The following DCDC1 variants were observed in gnomAD, a reference collection of about 807,000 sequenced individuals.
The protein encoded by DCDC1 is doublecortin domain-containing protein 1.
DCDC1 carries 200 observed loss-of-function variants against 178.3 expected under a neutral mutation model. The observed-to-expected ratio is 1.12, with a 90% CI of 1.00 to 1.26. The LOEUF is 1.26. Among genes scored for constraint, DCDC1 ranks in the 50% most tolerant of loss-of-function variants. The pLI is 0.00. For synonymous variants in DCDC1, 690 were observed against 604.8 expected (o/e 1.14, Z -2.07); for missense variants, 1,983 against 1,749.2 (o/e 1.13, Z -2.38).
chr11:30,908,609 G>A (rs1400753059), intron 29 of DCDC1, among the ~76,000 whole-genome samples: 1 of 152,078 alleles, frequency 6.6e-6, no homozygotes, highest in South Asian at 2.1e-4. Context: ...AATGTCTGGG[G>A]TTGGCAAACA....
At chr11:31,265,459 T>A (rs753874394) in intron 8 of DCDC1, 48 bp downstream of exon 8, 11 of 1,078,480 alleles carry the variant, frequency 1.0e-5, no homozygotes, top group Admixed American at 2.8e-5. Context: ...AAAATATAAA[T>A]GTCTTTCAAA....
At chr11:30,943,048 C>G (rs953437180) in intron 21 of DCDC1, among the ~76,000 whole-genome samples, 1 of 151,408 alleles carries the variant, frequency 6.6e-6, no homozygotes, top group African/African-American at 2.4e-5. Context: ...TGGTTCTTCT[C>G]CCTCCATTTT....
At chr11:31,039,363 G>A (rs924675259) in intron 20 of DCDC1, among the ~76,000 whole-genome samples, 1 of 152,164 alleles carries the variant, frequency 6.6e-6, no homozygotes, top group African/African-American at 2.4e-5. Context: ...GCTTTAAAAT[G>A]TAATATGCAC....
At chr11:30,993,426 A>C (rs1951090897) in intron 20 of DCDC1, among the ~76,000 whole-genome samples, 1 of 152,114 alleles carries the variant, frequency 6.6e-6, no homozygotes, top group Admixed American at 6.6e-5. Flanking sequence ...AACTAGAGAA[A>C]GAGAAGCAAA....
chr11:31,269,172 A>G (rs913038142), intron 7 of DCDC1, among the ~76,000 whole-genome samples: 1 of 152,160 alleles, frequency 6.6e-6, no homozygotes, highest in African/African-American at 2.4e-5. Context: ...GTAAATTATC[A>G]GTGGTATGAA....
intron 17 of DCDC1, among the ~76,000 whole-genome samples, chr11:31,085,777 G>A (rs547169903): frequency 2.0e-5 from 3 of 152,120 alleles, no homozygotes; most frequent in Admixed American, 6.5e-5. Flanking sequence ...GTGCAATCAC[G>A]GCTCACTGCT....
rs1018616914 is a variant in DCDC1, at chr11:31,285,400, A to T, written c.960+5247T>A. ...ATTATGCATGACCTCCTCTGTCGGA[A>T]TCCATGTTGAGCATCCTTAATCAAA... On this transcript the variant is annotated intron_variant, in intron 7 of 38. Transcript: ENST00000684477. Among the ~76,000 whole-genome samples, 17 of 152,134 alleles carry T rather than the reference A, an allele frequency of 1.1e-4. 1 individual carries two copies. The highest frequency in any genetic ancestry group is 9.2e-4 in the Admixed American group (14 of 15,262).
At chr11:31,322,379 C>T (rs1276043090) in intron 3 of DCDC1, among the ~76,000 whole-genome samples, 2 of 152,100 alleles carry the variant, frequency 1.3e-5, no homozygotes, top group Non-Finnish European at 2.9e-5. Flanking sequence ...GATAAAGTCT[C>T]GGTTATTTTT....
At chr11:31,248,067 T>C (rs530057447) in intron 8 of DCDC1, among the ~76,000 whole-genome samples, 1 of 152,182 alleles carries the variant, frequency 6.6e-6, no homozygotes, top group Admixed American at 6.6e-5. Flanking sequence ...TAAAGTTCCA[T>C]ACAAAAACTT....
chr11:31,222,349 C>G (rs749619925), intron 9 of DCDC1, among the ~76,000 whole-genome samples: 1 of 152,134 alleles, frequency 6.6e-6, no homozygotes, highest in African/African-American at 2.4e-5. Flanking sequence ...CAGAGTGAGC[C>G]ACCACGCCTG....
rs576593209 is a variant in DCDC1, at chr11:31,087,792, T to G, written c.2237+3601A>C. ...GCTATGTACTTTAAAAAATGCATCT[T>G]CTGCTGTTATTGAATGCATTTTTCT... is the stretch of plus-strand genomic sequence containing the variant. On this transcript the variant is annotated intron_variant, in intron 17 of 38. Transcript: ENST00000684477. 1.7e-4 allele frequency among the ~76,000 whole-genome samples: 26 copies of G among 152,302 alleles called. No homozygotes were observed. The South Asian group carries it at 4.8e-3, about 28-fold the overall frequency.
intron 21 of DCDC1, among the ~76,000 whole-genome samples, chr11:30,939,350 T>A (rs1947488313): frequency 6.6e-6 from 1 of 152,184 alleles, no homozygotes; most frequent in Non-Finnish European, 1.5e-5. Flanking sequence ...AGATCCTGGA[T>A]GGACCACCAG....
chr11:31,010,449 T>G (rs1020111268), intron 20 of DCDC1, among the ~76,000 whole-genome samples: 2 of 152,256 alleles, frequency 1.3e-5, no homozygotes, highest in African/African-American at 2.4e-5. Flanking sequence ...TTATAGCAGT[T>G]TGCCCCTTTA....
At chr11:31,279,245 T>TG (rs1206311367) in intron 7 of DCDC1, among the ~76,000 whole-genome samples, 49 of 150,812 alleles carry the variant, frequency 3.2e-4, no homozygotes, top group East Asian at 2.4e-3. Context: ...TTTTCTTTTT[T>TG]TTGTGTGTGT....
intron 21 of DCDC1, among the ~76,000 whole-genome samples, chr11:30,935,472 T>C (rs1373104128): frequency 1.3e-5 from 2 of 152,216 alleles, no homozygotes; most frequent in Non-Finnish European, 2.9e-5. Context: ...GTTTCCATTT[T>C]GGCCTTCTCT....
At chr11:31,341,812 T>TACACACAC (rs34730979) in intron 1 of DCDC1, among the ~76,000 whole-genome samples, 33,127 of 144,314 alleles carry the variant, frequency 0.23, 4,056 homozygotes, top group South Asian at 0.31. Flanking sequence ...TGCATGACTA[T>TACACACAC]ACACACACAC....
At chr11:31,229,283 A>G (rs984440875) in intron 9 of DCDC1, among the ~76,000 whole-genome samples, 2 of 152,130 alleles carry the variant, frequency 1.3e-5, no homozygotes, top group Admixed American at 1.3e-4. Flanking sequence ...AAAATCAGAC[A>G]AAGATATTAA....
At chr11:31,232,727 C>T (rs1975940862) in intron 9 of DCDC1, among the ~76,000 whole-genome samples, 1 of 152,104 alleles carries the variant, frequency 6.6e-6, no homozygotes, top group Non-Finnish European at 1.5e-5. Context: ...GTGTTAATTA[C>T]TTTATAATAT....
chr11:31,133,734 C>G (rs1962755508), intron 10 of DCDC1, among the ~76,000 whole-genome samples: 2 of 152,078 alleles, frequency 1.3e-5, no homozygotes, highest in Non-Finnish European at 2.9e-5. Flanking sequence ...CCCAGAGTCT[C>G]ACTCTGTCGC....
Sources: allele counts gnomAD v4.1 joint callset (sites outside exome capture counted in the v4.1 genomes callset), GRCh38; gene constraint gnomAD v4.1.1; transcripts MANE v1.5; gene names NCBI Gene and HGNC (gene_info 2026-07-23, HGNC 2026-07-21).